CHML: variants seen among roughly 807,000 people sequenced by gnomAD.
The protein encoded by CHML is rab proteins geranylgeranyltransferase component A 2.
A neutral mutation model predicts 30.4 loss-of-function variants in CHML; 20 were observed. That is an observed-to-expected ratio of 0.66 (90% confidence interval 0.46 to 0.95). The LOEUF is 0.95. CHML is among the 40% of genes least tolerant of loss of function. The pLI is 0.00. For missense variants in CHML, 795 were observed against 768.5 expected, an observed-to-expected ratio of 1.03 and a Z score of -0.41; for synonymous variants, 281 against 275.0, an observed-to-expected ratio of 1.02 and a Z score of -0.22.
chr1:241,640,208 C>T lies in CHML; in HGVS notation c.-634G>A, dbSNP rs1013717218. On this transcript the variant is annotated 5_prime_UTR_variant, in exon 1 of 2. Coordinates refer to ENST00000366553, the MANE Select transcript of CHML (RefSeq NM_001381853.1). ...CGGCCCCTCAGCGCCCGCGGCCCCG[C>T]CGCCGTCCCAGTAGCCGTGGCCGCC... is the stretch of plus-strand genomic sequence containing the variant. The T allele has an allele frequency of 1.8e-5, 24 of 1,360,642 alleles. No homozygotes were observed. In the Admixed American group the frequency reaches 7.1e-4, roughly 40 times the overall value. 84.3% of individuals were successfully genotyped at this position (1,360,642 alleles called of 1,614,324 possible). A position where few individuals can be genotyped will look rare whatever the true frequency, so the allele number is the denominator to read the frequency against.
At chr1:241,638,228 G>A (rs1271089687) in intron 1 of CHML, among the ~76,000 whole-genome samples, 1 of 152,110 alleles carries the variant, frequency 6.6e-6, no homozygotes, top group Non-Finnish European at 1.5e-5. Context: ...AGTGAACTTA[G>A]AAAATCACTG....
At position 241,631,389 on chromosome 1, in the gene CHML, T is replaced by C. The variant is rs1664627151; in HGVS notation, c.*2407A>G. ...AGATCTGGAATACCTTCACCTTCAT[T>C]TTATTTATCATCTTATGTATTTCTC... is the stretch of plus-strand genomic sequence containing the variant. On this transcript the variant is annotated 3_prime_UTR_variant, in exon 2 of 2. Transcript: ENST00000366553. The C allele has an allele frequency of 6.6e-6, 1 of 152,098 alleles. No homozygotes were observed. The allele number at this position is 152,098 out of a possible 1,614,324, so 9.4% of individuals were successfully genotyped here.
intron 1 of CHML, 124 bp from the exon 2 acceptor site, chr1:241,636,197 T>G (rs1664890588): frequency 2.5e-6 from 1 of 397,766 alleles, no homozygotes; most frequent in South Asian, 1.3e-4. Context: ...TACTAAAGCA[T>G]GTCTTAAATG....
chr1:241,639,801 G>A, intron 1 of CHML, 81 bp downstream of exon 1: 1 of 1,321,786 alleles, frequency 7.6e-7, no homozygotes, highest in Non-Finnish European at 9.9e-7. Flanking sequence ...GGCGGGCTGG[G>A]GGGCGGACGC....
At chr1:241,639,201 A>G (rs1037910064) in intron 1 of CHML, 5 of 152,242 alleles carry the variant, frequency 3.3e-5, no homozygotes, top group African/African-American at 1.2e-4. Context: ...GTATTGGCTG[A>G]GCCATTTGTA....
chr1:241,633,775 G>C lies in CHML; in HGVS notation c.*21C>G. ...GATGCCATGAAGGAGGTCCAAAACAGCATTTCGAGATTGCTCTTTTCTAAT... is the reference window on the plus strand; with the variant it reads ...GATGCCATGAAGGAGGTCCAAAACACCATTTCGAGATTGCTCTTTTCTAAT... On this transcript the variant is annotated 3_prime_UTR_variant, in exon 2 of 2. Coordinates refer to ENST00000366553, the MANE Select transcript of CHML (RefSeq NM_001381853.1). The C allele has an allele frequency of 6.2e-7, 1 of 1,611,636 alleles. No individual in the cohort carries two copies. The highest frequency in any genetic ancestry group is 8.5e-7 in the Non-Finnish European group (1 of 1,179,030).
At position 241,629,733 on chromosome 1, in the gene CHML, C is replaced by G. The variant is rs917102358; in HGVS notation, c.*4063G>C. On this transcript the variant is annotated 3_prime_UTR_variant, in exon 2 of 2. Coordinates refer to ENST00000366553, the MANE Select transcript of CHML (RefSeq NM_001381853.1). ...TAACATTTTAATTCATTTGGAATATCACATGTAAAGTGGATCTAATCTTTC... is the reference window on the plus strand; with the variant it reads ...TAACATTTTAATTCATTTGGAATATGACATGTAAAGTGGATCTAATCTTTC... The G allele has an allele frequency of 5.9e-5, 9 of 152,046 alleles. No homozygotes were observed. The highest frequency in any genetic ancestry group is 1.2e-4 in the Non-Finnish European group (8 of 67,930). 9.4% of individuals were successfully genotyped at this position (152,046 alleles called of 1,614,324 possible).
In CHML at chr1:241,633,827, A is replaced by G. The variant is rs1325107520; in HGVS notation, c.1940T>C (p.Leu647Pro). The change falls in exon 2 of 2, where the codon CTA (leucine) becomes CCA (proline). Residue 647 changes from leucine (L) to proline (P), a missense_variant. By Grantham distance (98) the Leu-to-Pro change is moderately conservative. Coordinates refer to ENST00000366553, the MANE Select transcript of CHML (RefSeq NM_001381853.1). ...TTGAAGGTGCTTCTCTGGGCTTTCT[A>G]GGTTTTTGCTTTCCTCAGAGGATTC... is the stretch of plus-strand genomic sequence containing the variant. Reference protein sequence around the residue: ...KLESSEESKNLESPEKHLQN With the variant: ...KLESSEESKNPESPEKHLQN 3 of 1,613,790 alleles carry G rather than the reference A, an allele frequency of 1.9e-6. No individual in the cohort carries two copies. In the East Asian group the frequency reaches 6.7e-5, roughly 36 times the overall value.
Position 241,634,343 on chromosome 1 carries a change from G to T in CHML, c.1424C>A (p.Ser475Tyr), listed in dbSNP as rs1424650338. Reference sequence around the variant, plus strand: ...CTCTGCTGGAGGAACTATCAGAATGGAAGTCTGCTGATCTAAATCTGTCTT... The same window carrying T: ...CTCTGCTGGAGGAACTATCAGAATGTAAGTCTGCTGATCTAAATCTGTCTT... ...ILKTDLDQQT[S>Y]ILIVPPAEPG... is the part of the protein sequence containing the mutation. Residue 475 changes from serine to tyrosine, a missense_variant, in exon 2 of 2, where the codon TCC (serine) becomes TAC (tyrosine). Transcript: ENST00000366553. 1.2e-6 allele frequency: 2 copies of T among 1,613,878 alleles called. No individual in the cohort carries two copies. The highest frequency in any genetic ancestry group is 1.6e-4 in the Middle Eastern group (1 of 6,084).
Position 241,640,259 on chromosome 1 carries a change from C to A in CHML, c.-685G>T, listed in dbSNP as rs1665073916. On this transcript the variant is annotated 5_prime_UTR_variant, in exon 1 of 2. Coordinates refer to ENST00000366553, the MANE Select transcript of CHML (RefSeq NM_001381853.1). ...GCTGCGGTTCCCCGAGTACATGGCC[C>A]GGCGCCGGCGCGCCTGGCGGGCGGA... 1 of 1,200,224 alleles carries A rather than the reference C, an allele frequency of 8.3e-7. No individual in the cohort carries two copies. Among genetic ancestry groups the A allele is most frequent in the Non-Finnish European group, 1.0e-6 (1 of 969,716 alleles). 74.3% of individuals were successfully genotyped at this position (1,200,224 alleles called of 1,614,324 possible). A position where few individuals can be genotyped will look rare whatever the true frequency, so the allele number is the denominator to read the frequency against.
At position 241,634,327 on chromosome 1, in the gene CHML, A is replaced by AG; in HGVS notation, c.1439dup (p.Pro481SerfsTer36). 1 of 1,613,984 alleles carries AG rather than the reference A, an allele frequency of 6.2e-7. No homozygotes were observed. Among genetic ancestry groups the AG allele is most frequent in the Non-Finnish European group, 8.5e-7 (1 of 1,179,904 alleles). On this transcript the variant is annotated frameshift_variant, in exon 2 of 2. Coordinates refer to ENST00000366553, the MANE Select transcript of CHML (RefSeq NM_001381853.1). LOFTEE classifies it high-confidence loss of function. Reference sequence around the variant, plus strand: ...CAGCACAAGCTCCTGGCTCTGCTGGAGGAACTATCAGAATGGAAGTCTGCT... The same window carrying AG: ...CAGCACAAGCTCCTGGCTCTGCTGGAGGGAACTATCAGAATGGAAGTCTGCT...
chr1:241,631,400 T>C lies in CHML; in HGVS notation c.*2396A>G, dbSNP rs1388990897. 6.6e-6 allele frequency: 1 copy of C among 152,118 alleles called. No individual in the cohort carries two copies. The highest frequency in any genetic ancestry group is 1.5e-5 in the Non-Finnish European group (1 of 68,000). The allele number at this position is 152,118 out of a possible 1,614,324, so 9.4% of individuals were successfully genotyped here. On this transcript the variant is annotated 3_prime_UTR_variant, in exon 2 of 2. Coordinates refer to ENST00000366553, the MANE Select transcript of CHML (RefSeq NM_001381853.1). ...ACCTTCACCTTCATTTTATTTATCA[T>C]CTTATGTATTTCTCATTTTAATTAC...
In CHML at chr1:241,632,748, T is replaced by G. The variant is rs1289614198; in HGVS notation, c.*1048A>C. ...TTCATTCCTATCAGTTATGTTATAG[T>G]GATATTAATTAAAGTGGTAGAGCCA... On this transcript the variant is annotated 3_prime_UTR_variant, in exon 2 of 2. Transcript: ENST00000366553. 1 of 152,108 alleles carries G rather than the reference T, an allele frequency of 6.6e-6. No individual in the cohort carries two copies. The highest frequency in any genetic ancestry group is 1.9e-4 in the East Asian group (1 of 5,194). 9.4% of individuals were successfully genotyped at this position (152,108 alleles called of 1,614,324 possible). A position where few individuals can be genotyped will look rare whatever the true frequency, so the allele number is the denominator to read the frequency against.
At position 241,634,809 on chromosome 1, in the gene CHML, A is replaced by G; in HGVS notation, c.958T>C (p.Cys320Arg). The G allele has an allele frequency of 6.2e-7, 1 of 1,613,762 alleles. No individual in the cohort carries two copies. Among genetic ancestry groups the G allele is most frequent in the Non-Finnish European group, 8.5e-7 (1 of 1,179,836 alleles). Residue 320 changes from cysteine (C) to arginine (R), a missense_variant, in exon 2 of 2, where the codon TGT (cysteine) becomes CGT (arginine). Coordinates refer to ENST00000366553, the MANE Select transcript of CHML (RefSeq NM_001381853.1). ...HPDEYQAFRQ[C>R]SFSEYLKTKK... ...GTTTTTAAGTATTCTGAAAATGAAC[A>G]CTGCCTGAAAGCTTGGTATTCATCA... is the stretch of plus-strand genomic sequence containing the variant.
rs749063289 is a variant in CHML at position 241,639,983 on chromosome 1, G to C, written c.-409C>G. Reference sequence around the variant, plus strand: ...GAAGGTAAAGGTGACCCCGAAGAGGGACACCAGCAGGTCGCTGAGGCTGAT... The same window carrying C: ...GAAGGTAAAGGTGACCCCGAAGAGGCACACCAGCAGGTCGCTGAGGCTGAT... On this transcript the variant is annotated 5_prime_UTR_variant, in exon 1 of 2. Coordinates refer to ENST00000366553, the MANE Select transcript of CHML (RefSeq NM_001381853.1). 1 of 1,612,640 alleles carries C rather than the reference G, an allele frequency of 6.2e-7. No homozygotes were observed. The highest frequency in any genetic ancestry group is 1.3e-5 in the African/African-American group (1 of 74,760).
rs965811016 is a variant in CHML, at chr1:241,636,017, A to G, written c.-251T>C. 4.1e-5 allele frequency: 20 copies of G among 486,342 alleles called. No homozygotes were observed. The highest frequency in any genetic ancestry group is 4.0e-4 in the African/African-American group (20 of 49,948). The allele number at this position is 486,342 out of a possible 1,614,324, so 30.1% of individuals were successfully genotyped here. On this transcript the variant is annotated 5_prime_UTR_variant, in exon 2 of 2. The change abolishes an upstream ATG in the 5' untranslated region. Coordinates refer to ENST00000366553, the MANE Select transcript of CHML (RefSeq NM_001381853.1). The stretch of plus-strand genomic sequence containing the variant: ...ATGTGTGGTTTCATTTCTGCATTTC[A>G]TCTTAGCAGTAAATGTCAAAATGCA...
In CHML at chr1:241,635,304, C is replaced by T; in HGVS notation, c.463G>A (p.Ala155Thr). The change falls in exon 2 of 2, where the codon GCA becomes ACA. Residue 155 changes from alanine (A) to threonine (T), a missense_variant. By Grantham distance (58) the Ala-to-Thr change is moderately conservative (BLOSUM62 0). Coordinates refer to ENST00000366553, the MANE Select transcript of CHML (RefSeq NM_001381853.1). The stretch of plus-strand genomic sequence containing the variant: ...GTATCACTTTTCTGAGTGTGTTTTG[C>T]AGGCATTTCGTCGCTATTAAAATAC... ...LSYFNSDEMPAKHTQKSDTEI... is the reference protein window; with the variant it reads ...LSYFNSDEMPTKHTQKSDTEI... 6.2e-7 allele frequency: 1 copy of T among 1,613,956 alleles called. No homozygotes were observed. The highest frequency in any genetic ancestry group is 1.1e-5 in the South Asian group (1 of 91,068).
chr1:241,637,292 T>C (rs550629576), intron 1 of CHML, among the ~76,000 whole-genome samples: 30 of 152,316 alleles, frequency 2.0e-4, no homozygotes, highest in Non-Finnish European at 3.7e-4. Flanking sequence ...TTAAATTGCA[T>C]AGGGCACACA....
intron 1 of CHML, among the ~76,000 whole-genome samples, chr1:241,637,631 T>C (rs1664948390): frequency 6.6e-6 from 1 of 152,070 alleles, no homozygotes; most frequent in African/African-American, 2.4e-5. Flanking sequence ...AGCGCTAAGA[T>C]CAGGCACGTT....
Sources: allele counts gnomAD v4.1 joint callset (sites outside exome capture counted in the v4.1 genomes callset), GRCh38; gene constraint gnomAD v4.1.1; transcripts MANE v1.5; gene names NCBI Gene and HGNC (gene_info 2026-07-23, HGNC 2026-07-21).